GLRB: variants seen among roughly 807,000 people sequenced by gnomAD.
The protein encoded by GLRB is glycine receptor beta.
Under a neutral mutation model 54.2 loss-of-function variants are expected in GLRB, and 33 were observed. That is an observed-to-expected ratio of 0.61 (90% CI 0.46 to 0.81). GLRB has a LOEUF of 0.81. Among genes scored for constraint, GLRB ranks in the 40% least tolerant of loss-of-function variants. The probability of loss-of-function intolerance (pLI) is 0.00; values close to 1 mark genes in which losing one functional copy is unlikely to be tolerated. For missense variants in GLRB, 572 were observed against 584.6 expected (o/e 0.98, Z 0.22); for synonymous variants, 209 against 208.2 (o/e 1.00, Z -0.03).
intron 2 of GLRB, among the ~76,000 whole-genome samples, chr4:157,118,019 G>A (rs991019522): frequency 2.6e-5 from 4 of 151,670 alleles, no homozygotes; most frequent in African/African-American, 7.3e-5. Context: ...ATAAAGAATG[G>A]AAGTTACAAT....
intron 2 of GLRB, among the ~76,000 whole-genome samples, chr4:157,104,434 T>G (rs1735147656): frequency 6.6e-6 from 1 of 152,154 alleles, no homozygotes; most frequent in African/African-American, 2.4e-5. Context: ...ATGATCCTTT[T>G]AATGTGCTAT....
intron 2 of GLRB, among the ~76,000 whole-genome samples, chr4:157,079,633 G>A (rs1027487494): frequency 4.9e-4 from 74 of 152,056 alleles, no homozygotes; most frequent in African/African-American, 1.7e-3. Context: ...TCCCTCCTTG[G>A]CCATCTGCCC....
chr4:157,100,125 T>C (rs76280668), intron 2 of GLRB, among the ~76,000 whole-genome samples: 229 of 152,332 alleles, frequency 1.5e-3, no homozygotes, highest in African/African-American at 5.3e-3. Flanking sequence ...AATTGAAGAA[T>C]TTATTTTTAA....
intron 9 of GLRB, among the ~76,000 whole-genome samples, chr4:157,153,608 C>T (rs1408948400): frequency 6.6e-6 from 1 of 152,168 alleles, no homozygotes; most frequent in African/African-American, 2.4e-5. Context: ...GATTTTACCC[C>T]ATAACCCTGC....
chr4:157,149,593 GA>G (rs1382036672), intron 8 of GLRB, among the ~76,000 whole-genome samples: 1 of 151,878 alleles, frequency 6.6e-6, no homozygotes, highest in African/African-American at 2.4e-5. Flanking sequence ...TAAAAATTAT[GA>G]AATGATAATA....
chr4:157,103,751 T>A (rs754615981), intron 2 of GLRB, among the ~76,000 whole-genome samples: 6 of 152,292 alleles, frequency 3.9e-5, no homozygotes, highest in Non-Finnish European at 8.8e-5. Flanking sequence ...TGGACAAGTC[T>A]TTGATTACCT....
At chr4:157,170,014 A>C (rs987342312) in intron 9 of GLRB, among the ~76,000 whole-genome samples, 1 of 152,148 alleles carries the variant, frequency 6.6e-6, no homozygotes, top group Non-Finnish European at 1.5e-5. Flanking sequence ...TAGGATCTAT[A>C]AGGAAGTCAA....
Position 157,169,586 on chromosome 4 carries a change from C to T in GLRB, c.1198-846C>T, listed in dbSNP as rs551987193. Among the ~76,000 whole-genome samples, 9 of 152,064 alleles carry T rather than the reference C, an allele frequency of 5.9e-5. No homozygotes were observed. The South Asian group carries it at 6.2e-4, about 11-fold the overall frequency. On this transcript the variant is annotated intron_variant, in intron 9 of 9. Transcript: ENST00000264428. ...TCTATATCCATGGATTTTGTGAACA[C>T]TGTATTTTTGATCTGCATTTGGATG...
chr4:157,157,073 T>A (rs558695834), intron 9 of GLRB, among the ~76,000 whole-genome samples: 1 of 152,240 alleles, frequency 6.6e-6, no homozygotes, highest in East Asian at 1.9e-4. Flanking sequence ...CCCCATGTTG[T>A]CTCTACCAAC....
chr4:157,106,590 T>TC (rs1735234494), intron 2 of GLRB, among the ~76,000 whole-genome samples: 2 of 151,850 alleles, frequency 1.3e-5, no homozygotes, highest in South Asian at 4.1e-4. Context: ...TCTCTCTCTC[T>TC]CTTTTTTTTT....
chr4:157,111,198 G>A (rs1484548460), intron 2 of GLRB, among the ~76,000 whole-genome samples: 2 of 151,992 alleles, frequency 1.3e-5, no homozygotes, highest in African/African-American at 4.8e-5. Context: ...CAGACATGTG[G>A]TTCAAGTGTT....
chr4:157,123,093 C>A (rs1282115220), intron 4 of GLRB, among the ~76,000 whole-genome samples: 3 of 151,628 alleles, frequency 2.0e-5, no homozygotes, highest in African/African-American at 7.3e-5. Context: ...CTCTTGAAAG[C>A]CATTCGATAA....
At chr4:157,104,221 T>C (rs1272209607) in intron 2 of GLRB, among the ~76,000 whole-genome samples, 3 of 152,150 alleles carry the variant, frequency 2.0e-5, no homozygotes, top group Non-Finnish European at 4.4e-5. Context: ...GTGAAGTAAT[T>C]TCCTTCTATT....
intron 2 of GLRB, among the ~76,000 whole-genome samples, chr4:157,081,944 C>A (rs530406708): frequency 8.5e-5 from 13 of 152,236 alleles, no homozygotes; most frequent in Middle Eastern, 3.4e-3. Flanking sequence ...TTCCCCATCC[C>A]GACCCCTGCC....
At position 157,117,606 on chromosome 4, in the gene GLRB, G is replaced by T. The variant is rs1735651761; in HGVS notation, c.123-2950G>T. On this transcript the variant is annotated intron_variant, in intron 2 of 9. Coordinates refer to ENST00000264428, the MANE Select transcript of GLRB (RefSeq NM_000824.5). ...TCAATGCTGGGAAGATTCTGAGGGTGGGGGAAGTCATTACTCCTAAGAGAG... is the reference window on the plus strand; with the variant it reads ...TCAATGCTGGGAAGATTCTGAGGGTTGGGGAAGTCATTACTCCTAAGAGAG... Among the ~76,000 whole-genome samples, 3 of 151,712 alleles carry T rather than the reference G, an allele frequency of 2.0e-5. No individual in the cohort carries two copies. The South Asian group carries it at 6.2e-4, about 32-fold the overall frequency.
chr4:157,109,728 T>A (rs949437612), intron 2 of GLRB, among the ~76,000 whole-genome samples: 5 of 152,050 alleles, frequency 3.3e-5, no homozygotes, highest in Non-Finnish European at 7.4e-5. Flanking sequence ...CCCCTGATCA[T>A]GTCCTTGGGT....
intron 8 of GLRB, among the ~76,000 whole-genome samples, chr4:157,145,897 A>T (rs761012646): frequency 6.6e-6 from 1 of 152,058 alleles, no homozygotes; most frequent in Non-Finnish European, 1.5e-5. Context: ...CATTGGGGGA[A>T]CAAGGAGGCC....
intron 2 of GLRB, among the ~76,000 whole-genome samples, chr4:157,107,724 G>A (rs1431113048): frequency 6.6e-6 from 1 of 152,118 alleles, no homozygotes; most frequent in Admixed American, 6.6e-5. Context: ...TGAAGCCACA[G>A]CAAGTTATCC....
At chr4:157,122,248 A>G in intron 3 of GLRB, 82 bp from the exon 4 acceptor site, 1 of 606,872 alleles carries the variant, frequency 1.6e-6, no homozygotes, top group Non-Finnish European at 3.0e-6. Context: ...TATAATAATT[A>G]AATGTGCAAA....
Sources: gnomAD v4.1 joint callset for allele counts (sites outside exome capture counted in the v4.1 genomes callset) on GRCh38, gnomAD v4.1.1 for gene constraint, MANE v1.5 for transcripts, NCBI Gene and HGNC (gene_info 2026-07-23, HGNC 2026-07-21) for gene names.